Variants in UGT1A8 observed in about 807,000 individuals in gnomAD.
UGT1A8 encodes the protein UDP-glucuronosyltransferase 1A8.
In UGT1A8, 39 loss-of-function variants were observed where a neutral mutation model predicts 45.3. That is an observed-to-expected ratio of 0.86 (90% CI 0.67 to 1.12). UGT1A8 has a LOEUF of 1.12. Among genes scored for constraint, UGT1A8 ranks in the 50% most tolerant of loss-of-function variants. The pLI, the probability that UGT1A8 is intolerant of heterozygous loss-of-function variation, is 0.00. For missense variants in UGT1A8, 719 were observed against 664.9 expected, an observed-to-expected ratio of 1.08 and a Z score of -0.90; for synonymous variants, 275 against 249.2, an observed-to-expected ratio of 1.10 and a Z score of -0.97.
At chr2:233,713,300 A>T in intron 1 of UGT1A8, 1 of 1,614,272 alleles carries the variant, frequency 6.2e-7, no homozygotes, top group Non-Finnish European at 8.5e-7. Context: ...TCTTTGAAAC[A>T]GAACATCTTC....
intron 1 of UGT1A8, among the ~76,000 whole-genome samples, chr2:233,635,823 G>A (rs1380913597): frequency 2.7e-5 from 4 of 150,912 alleles, no homozygotes; most frequent in African/African-American, 9.8e-5. Flanking sequence ...GTTCGCACAA[G>A]GACTGGGCCA....
chr2:233,711,434 TAC>T (rs1559357703), intron 1 of UGT1A8, among the ~76,000 whole-genome samples: 5 of 152,176 alleles, frequency 3.3e-5, no homozygotes, highest in African/African-American at 1.2e-4. Context: ...TTAGGATGCA[TAC>T]AGTTTTAAGG....
intron 1 of UGT1A8, among the ~76,000 whole-genome samples, chr2:233,716,389 A>C (rs1313354106): frequency 6.6e-6 from 1 of 152,190 alleles, no homozygotes; most frequent in East Asian, 1.9e-4. Flanking sequence ...TACCACAGAC[A>C]CTAAGCTTAA....
chr2:233,762,899 T>C (rs1698190736), intron 1 of UGT1A8, among the ~76,000 whole-genome samples: 1 of 152,218 alleles, frequency 6.6e-6, no homozygotes, highest in Non-Finnish European at 1.5e-5. Context: ...ATGCCAAATA[T>C]CAGGGCTATT....
rs34150486 is a variant in UGT1A8, at chr2:233,743,623, G to C, written c.856-23411G>C. The stretch of plus-strand genomic sequence containing the variant: ...GGCCGCCGAAGAACTCCCTGAAGAC[G>C]TCGGCTGGGTCGCGGAAGCTGAAGA... On this transcript the variant is annotated intron_variant, in intron 1 of 4. Coordinates refer to ENST00000373450, the MANE Select transcript of UGT1A8 (RefSeq NM_019076.5). The C allele has an allele frequency of 7.3e-5, 100 of 1,367,326 alleles. 1 individual carries two copies. In the East Asian group the frequency reaches 1.5e-3, roughly 20 times the overall value. The allele number at this position is 1,367,326 out of a possible 1,614,324, so 84.7% of individuals were successfully genotyped here. A position where few individuals can be genotyped will look rare whatever the true frequency, so the allele number is the denominator to read the frequency against.
chr2:233,617,961 A>G lies in UGT1A8; in HGVS notation c.254A>G (p.Asp85Gly). The G allele has an allele frequency of 6.2e-7, 1 of 1,614,204 alleles. No individual in the cohort carries two copies. Among genetic ancestry groups the G allele is most frequent in the Non-Finnish European group, 8.5e-7 (1 of 1,180,042 alleles). ...KTYSTSYTLE[D>G]LDREFMDFAD... is the part of the protein sequence containing the mutation. The stretch of plus-strand genomic sequence containing the variant: ...TACTCAACCTCATACACTCTGGAGG[A>G]TCTGGACCGGGAATTCATGGATTTC... The change falls in exon 1 of 5, where the codon GAT (aspartate) becomes GGT (glycine). Residue 85 changes from aspartate to glycine, a missense_variant. Physicochemically the swap from Asp to Gly is moderately conservative, Grantham distance 94. Transcript: ENST00000373450.
intron 1 of UGT1A8, among the ~76,000 whole-genome samples, chr2:233,655,583 T>TA (rs1320888518): frequency 3.3e-5 from 5 of 152,164 alleles, no homozygotes; most frequent in East Asian, 3.9e-4. Flanking sequence ...GAAAAACTGT[T>TA]AGAAAGAAGG....
At chr2:233,715,207 AC>A (rs1408524816) in intron 1 of UGT1A8, among the ~76,000 whole-genome samples, 1 of 152,002 alleles carries the variant, frequency 6.6e-6, no homozygotes, top group East Asian at 1.9e-4. Flanking sequence ...CTTTTAAAAG[AC>A]CCTCTACTGA....
intron 1 of UGT1A8, among the ~76,000 whole-genome samples, chr2:233,744,613 C>G (rs1692866168): frequency 6.6e-6 from 1 of 151,808 alleles, no homozygotes; most frequent in South Asian, 2.1e-4. Context: ...GTACTTGGCT[C>G]TATAGAGAGG....
chr2:233,689,418 G>A (rs1195966821), intron 1 of UGT1A8, among the ~76,000 whole-genome samples: 1 of 152,192 alleles, frequency 6.6e-6, no homozygotes, highest in African/African-American at 2.4e-5. Flanking sequence ...TCTCTCTAAT[G>A]GCTTGCAAGT....
At chr2:233,641,675 A>G (rs1575394723) in intron 1 of UGT1A8, among the ~76,000 whole-genome samples, 2 of 152,184 alleles carry the variant, frequency 1.3e-5, no homozygotes, top group Non-Finnish European at 2.9e-5. Flanking sequence ...TCCCTGTAGC[A>G]TTTCTTGTAG....
chr2:233,662,233 ATGG>A (rs2073987690), intron 1 of UGT1A8, among the ~76,000 whole-genome samples: 1 of 152,198 alleles, frequency 6.6e-6, no homozygotes, highest in Admixed American at 6.5e-5. Flanking sequence ...TGTCTATAAT[ATGG>A]TAGTAAATGA....
At chr2:233,654,573 A>C (rs1222368904) in intron 1 of UGT1A8, among the ~76,000 whole-genome samples, 1 of 152,262 alleles carries the variant, frequency 6.6e-6, no homozygotes, top group Non-Finnish European at 1.5e-5. Flanking sequence ...TATAACAAAA[A>C]TGAAAAGCTA....
rs28899171 is a variant in UGT1A8, at chr2:233,696,481, G to T, written c.856-70553G>T. On this transcript the variant is annotated intron_variant, in intron 1 of 4. Transcript: ENST00000373450. The stretch of plus-strand genomic sequence containing the variant: ...TTTTTGTAAGTTGATCTTGTATACT[G>T]CAACTTTACCGAATTTGCTTGTCAG... Among the ~76,000 whole-genome samples, 634 of 152,208 alleles carry T rather than the reference G, an allele frequency of 4.2e-3. 4 individuals carry two copies. Among genetic ancestry groups the T allele is most frequent in the African/African-American group, 0.015 (607 of 41,508 alleles).
intron 1 of UGT1A8, among the ~76,000 whole-genome samples, chr2:233,700,626 G>C (rs1477114109): frequency 6.6e-6 from 1 of 152,038 alleles, no homozygotes; most frequent in African/African-American, 2.4e-5. Flanking sequence ...GTTCCAGTAA[G>C]ATTTAATGAC....
chr2:233,762,807 C>G (rs1458193268), intron 1 of UGT1A8, among the ~76,000 whole-genome samples: 1 of 151,450 alleles, frequency 6.6e-6, no homozygotes, highest in Non-Finnish European at 1.5e-5. Flanking sequence ...GCTATCTCAT[C>G]AAAATATTGA....
chr2:233,618,646 A>G (rs985565527), intron 1 of UGT1A8, 84 bp downstream of exon 1: 5 of 1,519,268 alleles, frequency 3.3e-6, no homozygotes, highest in Admixed American at 4.4e-5. Context: ...GTGATTTGAC[A>G]TTTTCATTTG....
intron 1 of UGT1A8, among the ~76,000 whole-genome samples, chr2:233,724,330 C>T (rs1214568164): frequency 2.8e-4 from 34 of 121,600 alleles, no homozygotes; most frequent in South Asian, 1.2e-3. Context: ...GCTGGCCAGG[C>T]GGGGGGCTGA....
chr2:233,718,053 C>A, intron 1 of UGT1A8: 1 of 364,042 alleles, frequency 2.7e-6, no homozygotes, highest in Non-Finnish European at 5.4e-6. Flanking sequence ...GCTCCCTGAA[C>A]CCACCGTGGG....
Sources: gnomAD v4.1 joint callset for allele counts (sites outside exome capture counted in the v4.1 genomes callset) on GRCh38, gnomAD v4.1.1 for gene constraint, MANE v1.5 for transcripts, NCBI Gene and HGNC (gene_info 2026-07-23, HGNC 2026-07-21) for gene names.